Variants in RAPGEF4 observed in about 807,000 individuals in gnomAD.
RAPGEF4 encodes the protein RAP guanine-nucleotide-exchange factor (GEF) 4.
RAPGEF4 carries 66 observed loss-of-function variants against 147.9 expected under a neutral mutation model. The ratio of observed to expected loss-of-function variants is 0.45; its 90% CI spans 0.37 to 0.55. The LOEUF (loss-of-function observed/expected upper bound fraction) is 0.55. Ranked by LOEUF, RAPGEF4 falls within the 20% of genes least tolerant of loss-of-function variation. The pLI is 0.00. For missense variants in RAPGEF4, 1,071 were observed against 1,257.3 expected (o/e 0.85, Z 2.24); for synonymous variants, 419 against 442.7 (o/e 0.95, Z 0.67).
chr2:172,983,716 G>A (rs893838039), intron 11 of RAPGEF4, 136 bp downstream of exon 11: 51 of 1,415,504 alleles, frequency 3.6e-5, no homozygotes, highest in Non-Finnish European at 4.4e-5. Context: ...ACTCTCTTAC[G>A]AGATGCTGAG....
rs139772772 is a variant in RAPGEF4 at position 173,027,805 on chromosome 2, A to G, written c.2558+546A>G. On this transcript the variant is annotated intron_variant, in intron 25 of 30. Transcript: ENST00000397081. The stretch of plus-strand genomic sequence containing the variant: ...TATTAAACAGCACTTCATGGGAAAC[A>G]ATTTTTTTACTACAGGGGCCAGTTA... Among the ~76,000 whole-genome samples, 155 of 152,326 alleles carry G rather than the reference A, an allele frequency of 1.0e-3. 1 individual carries two copies. The highest frequency in any genetic ancestry group is 3.5e-3 in the African/African-American group (147 of 41,574).
At chr2:172,886,656 T>G in intron 4 of RAPGEF4, among the ~76,000 whole-genome samples, 1 of 152,028 alleles carries the variant, frequency 6.6e-6, no homozygotes, top group East Asian at 1.9e-4. Flanking sequence ...TTTTAGCTCT[T>G]TATCACACAG....
chr2:172,903,799 CT>C (rs1454378929), intron 4 of RAPGEF4, among the ~76,000 whole-genome samples: 4 of 152,110 alleles, frequency 2.6e-5, no homozygotes, highest in Admixed American at 2.6e-4. Flanking sequence ...AGAAAATAAA[CT>C]GAGAAATGCA....
chr2:172,916,569 T>C (rs1684094308), intron 4 of RAPGEF4, among the ~76,000 whole-genome samples: 1 of 152,180 alleles, frequency 6.6e-6, no homozygotes, highest in African/African-American at 2.4e-5. Flanking sequence ...GGTGATATAT[T>C]GGTCCTGTGG....
At chr2:172,995,245 TTGTGTGTGTGTGTG>T (rs71018528) in intron 15 of RAPGEF4, among the ~76,000 whole-genome samples, 15 of 138,688 alleles carry the variant, frequency 1.1e-4, no homozygotes, top group South Asian at 2.4e-4. Context: ...ACTTGCCTGT[TTGTGTGTGTGTGTG>T]TGTGTGTGTG....
At chr2:173,044,706 AG>A (rs1491433265) in intron 29 of RAPGEF4, among the ~76,000 whole-genome samples, 1 of 152,146 alleles carries the variant, frequency 6.6e-6, no homozygotes, top group Non-Finnish European at 1.5e-5. Flanking sequence ...GCGTGGCGAC[AG>A]GGGGGTTCAA....
chr2:172,749,094 T>C (rs1347053648), intron 1 of RAPGEF4, among the ~76,000 whole-genome samples: 5 of 152,324 alleles, frequency 3.3e-5, no homozygotes, highest in African/African-American at 7.2e-5. Context: ...TAGGGGCTGA[T>C]GTTGAGTGTC....
chr2:173,023,501 T>A (rs897383456), intron 23 of RAPGEF4, among the ~76,000 whole-genome samples: 6 of 152,162 alleles, frequency 3.9e-5, no homozygotes, highest in Admixed American at 6.5e-5. Flanking sequence ...TCCCCACTTC[T>A]AAGGGAGAAG....
chr2:172,835,119 C>G (rs1690781327), intron 4 of RAPGEF4, among the ~76,000 whole-genome samples: 1 of 152,170 alleles, frequency 6.6e-6, no homozygotes, highest in African/African-American at 2.4e-5. Context: ...TGCCTTTTCT[C>G]TGCTAAAGGT....
In RAPGEF4 at chr2:172,909,969, A is replaced by G. The variant is rs533211560; in HGVS notation, c.445-7833A>G. ...ACCCCACCGCTGCATGGGATAATCA[A>G]AGAGAGAGGACTGTCTGCTCATGCC... On this transcript the variant is annotated intron_variant, in intron 4 of 30. Coordinates refer to ENST00000397081, the MANE Select transcript of RAPGEF4 (RefSeq NM_007023.4). Among the ~76,000 whole-genome samples the G allele has an allele frequency of 2.6e-5, 4 of 152,290 alleles. No individual in the cohort carries two copies. In the Middle Eastern group the frequency reaches 0.01, roughly 388 times the overall value.
chr2:173,028,657 A>T (rs1367800829), intron 25 of RAPGEF4, among the ~76,000 whole-genome samples: 1 of 152,116 alleles, frequency 6.6e-6, no homozygotes, highest in African/African-American at 2.4e-5. Context: ...ATGTTATTTA[A>T]CCATTATTAA....
chr2:172,870,241 C>A (rs1391580718), intron 4 of RAPGEF4, among the ~76,000 whole-genome samples: 1 of 152,118 alleles, frequency 6.6e-6, no homozygotes, highest in African/African-American at 2.4e-5. Context: ...ACATCATGAC[C>A]CGGTACACTA....
intron 17 of RAPGEF4, among the ~76,000 whole-genome samples, chr2:173,013,904 G>A (rs954005423): frequency 5.3e-5 from 8 of 152,276 alleles, no homozygotes; most frequent in Middle Eastern, 3.4e-3. Flanking sequence ...TACAGCAGGA[G>A]CCTTTCCTCT....
intron 1 of RAPGEF4, among the ~76,000 whole-genome samples, chr2:172,772,064 C>G (rs891686067): frequency 6.6e-6 from 1 of 152,048 alleles, no homozygotes; most frequent in Non-Finnish European, 1.5e-5. Context: ...CATGGTGAAA[C>G]CCTGTCTCTA....
At chr2:172,874,753 G>T (rs1312556157) in intron 4 of RAPGEF4, among the ~76,000 whole-genome samples, 2 of 152,172 alleles carry the variant, frequency 1.3e-5, no homozygotes, top group African/African-American at 4.8e-5. Context: ...AATCCTTCGG[G>T]TATATACCCA....
chr2:172,834,975 G>T (rs765211433), intron 4 of RAPGEF4, among the ~76,000 whole-genome samples: 1 of 151,984 alleles, frequency 6.6e-6, no homozygotes, highest in African/African-American at 2.4e-5. Flanking sequence ...GTTGACTGGC[G>T]CCCTCTGAGG....
chr2:172,862,009 A>G (rs1239673003), intron 4 of RAPGEF4, among the ~76,000 whole-genome samples: 3 of 152,244 alleles, frequency 2.0e-5, no homozygotes, highest in African/African-American at 7.2e-5. Context: ...TGTGTTGTCA[A>G]CAGCGGCAAT....
intron 4 of RAPGEF4, among the ~76,000 whole-genome samples, chr2:172,817,960 T>TTA (rs762859889): frequency 1.3e-3 from 178 of 140,612 alleles, no homozygotes; most frequent in East Asian, 3.4e-3. Context: ...ATTATATGAA[T>TTA]TATATATATA....
At position 172,917,811 on chromosome 2, in the gene RAPGEF4, C is replaced by G; in HGVS notation, c.454C>G (p.Gln152Glu). 6.2e-7 allele frequency: 1 copy of G among 1,612,822 alleles called. No individual in the cohort carries two copies. Among genetic ancestry groups the G allele is most frequent in the Non-Finnish European group, 8.5e-7 (1 of 1,178,872 alleles). Residue 152 changes from glutamine to glutamate, a missense_variant, in exon 5 of 31, where the codon CAG becomes GAG. Gln to Glu is a conservative substitution (Grantham distance 29). Transcript: ENST00000397081. ...CAATCTTGTCTTTCAGAAATATCGACAGTATATGGCAGGACTTCTGGCTCC... is the reference window on the plus strand; with the variant it reads ...CAATCTTGTCTTTCAGAAATATCGAGAGTATATGGCAGGACTTCTGGCTCC... Reference protein sequence around the residue: ...DFKALWEKYRQYMAGLLAPPY... With the variant: ...DFKALWEKYREYMAGLLAPPY...
Sources: gnomAD v4.1 joint callset for allele counts (sites outside exome capture counted in the v4.1 genomes callset) on GRCh38, gnomAD v4.1.1 for gene constraint, MANE v1.5 for transcripts, NCBI Gene and HGNC (gene_info 2026-07-23, HGNC 2026-07-21) for gene names.